BAZ1B: variants seen among roughly 807,000 people sequenced by gnomAD.
BAZ1B encodes tyrosine-protein kinase BAZ1B.
In BAZ1B, 22 loss-of-function variants were observed where a neutral mutation model predicts 153.8. The ratio of observed to expected loss-of-function variants is 0.14; its 90% CI spans 0.10 to 0.20. The LOEUF is 0.20. BAZ1B is among the 10% of genes least tolerant of loss of function. The pLI is 1.00. For missense variants in BAZ1B, 1,325 were observed against 1,799.3 expected, an observed-to-expected ratio of 0.74 and a Z score of 4.77; for synonymous variants, 676 against 633.4, an observed-to-expected ratio of 1.07 and a Z score of -1.01.
At chr7:73,513,051 G>C (rs1554578801) in intron 1 of BAZ1B, among the ~76,000 whole-genome samples, 1 of 152,102 alleles carries the variant, frequency 6.6e-6, no homozygotes, top group Admixed American at 6.6e-5. Context: ...ACCTCCTGGG[G>C]TCAAGCAATC....
chr7:73,458,281 T>C (rs1461147911), intron 13 of BAZ1B, among the ~76,000 whole-genome samples: 1 of 152,156 alleles, frequency 6.6e-6, no homozygotes, highest in Non-Finnish European at 1.5e-5. Context: ...AACCCATGTA[T>C]TTGGTGTCAG....
At chr7:73,489,434 G>T (rs782037705) in intron 5 of BAZ1B, 43 bp from the exon 6 acceptor site, 5 of 1,594,586 alleles carry the variant, frequency 3.1e-6, no homozygotes, top group African/African-American at 2.7e-5. Context: ...GGGGTAAAAA[G>T]TAATTACCCA....
intron 1 of BAZ1B, among the ~76,000 whole-genome samples, chr7:73,516,874 T>C (rs1489278349): frequency 1.3e-5 from 2 of 150,762 alleles, no homozygotes; most frequent in East Asian, 2.0e-4. Context: ...GTAACTGTTC[T>C]GGTAATTATA....
At chr7:73,469,130 CAAA>C (rs57498905) in intron 9 of BAZ1B, among the ~76,000 whole-genome samples, 11 of 76,302 alleles carry the variant, frequency 1.4e-4, no homozygotes, top group Non-Finnish European at 2.0e-4. Flanking sequence ...AATTCCGTCT[CAAA>C]AAAAAAAAAA....
At chr7:73,469,794 G>A in intron 8 of BAZ1B, 144 bp from the exon 9 acceptor site, 1 of 882,256 alleles carries the variant, frequency 1.1e-6, no homozygotes, top group South Asian at 1.9e-5. Context: ...ACTCTAGACA[G>A]ATAAAAATTG....
chr7:73,454,055 T>C (rs112885369), intron 13 of BAZ1B, among the ~76,000 whole-genome samples: 3 of 150,776 alleles, frequency 2.0e-5, no homozygotes, highest in African/African-American at 7.3e-5. Context: ...TCCCAGCACT[T>C]TTGGAGGCCA....
At chr7:73,458,991 G>A (rs1310349307) in intron 13 of BAZ1B, among the ~76,000 whole-genome samples, 3 of 152,148 alleles carry the variant, frequency 2.0e-5, no homozygotes, top group Admixed American at 2.0e-4. Context: ...GCTCACGCCT[G>A]TAATCCCAGC....
At chr7:73,511,462 G>A (rs1023729247) in intron 1 of BAZ1B, among the ~76,000 whole-genome samples, 1 of 151,650 alleles carries the variant, frequency 6.6e-6, no homozygotes, top group Non-Finnish European at 1.5e-5. Context: ...CCAGGAGTTC[G>A]AGACCAGCCT....
At chr7:73,476,556 C>G (rs1305097882) in intron 7 of BAZ1B, among the ~76,000 whole-genome samples, 4 of 152,154 alleles carry the variant, frequency 2.6e-5, no homozygotes, top group Non-Finnish European at 5.9e-5. Flanking sequence ...AACCTGAACC[C>G]AGGTCAGTCA....
intron 13 of BAZ1B, among the ~76,000 whole-genome samples, chr7:73,457,878 A>G (rs1788260672): frequency 6.6e-6 from 1 of 152,170 alleles, no homozygotes; most frequent in Non-Finnish European, 1.5e-5. Flanking sequence ...AGAAGCTGGA[A>G]GGAAGGAGTG....
chr7:73,507,839 G>C (rs1790406081), intron 3 of BAZ1B, among the ~76,000 whole-genome samples: 1 of 152,090 alleles, frequency 6.6e-6, no homozygotes, highest in Admixed American at 6.6e-5. Context: ...CTGCACTCTA[G>C]ACTCTGTGAC....
chr7:73,506,314 C>T (rs959680829), intron 3 of BAZ1B, among the ~76,000 whole-genome samples: 22 of 151,716 alleles, frequency 1.5e-4, no homozygotes, highest in African/African-American at 5.1e-4. Context: ...CTGGCTAACA[C>T]AGTGAAACCC....
intron 5 of BAZ1B, among the ~76,000 whole-genome samples, chr7:73,492,213 A>G (rs1023438001): frequency 4.0e-5 from 6 of 151,702 alleles, no homozygotes; most frequent in Non-Finnish European, 5.9e-5. Context: ...CCCAGGCTGG[A>G]GTGCAGTGGC....
At chr7:73,521,565 G>A (rs1791043737) in intron 1 of BAZ1B, among the ~76,000 whole-genome samples, 1 of 151,992 alleles carries the variant, frequency 6.6e-6, no homozygotes. Context: ...CCTCGCCGGC[G>A]AGGCCCCGGG....
chr7:73,449,251 G>A (rs1787944989), intron 15 of BAZ1B, among the ~76,000 whole-genome samples: 2 of 152,210 alleles, frequency 1.3e-5, no homozygotes, highest in South Asian at 2.1e-4. Flanking sequence ...GACACAGGAA[G>A]TGGGCAACAG....
In BAZ1B at chr7:73,508,452, C is replaced by CA; in HGVS notation, c.243dup (p.Ala82CysfsTer4). On this transcript the variant is annotated frameshift_variant, in exon 3 of 20. Transcript: ENST00000339594. LOFTEE classifies it high-confidence loss of function. ...TCCAGAACAAGCTTCTCATACCAGG[C>CA]AGGAAACTCCTCCTTCAAACTAAAT... 6.2e-7 allele frequency: 1 copy of CA among 1,611,592 alleles called. No individual in the cohort carries two copies. Among genetic ancestry groups the CA allele is most frequent in the South Asian group, 1.1e-5 (1 of 90,416 alleles).
chr7:73,510,614 A>G, intron 2 of BAZ1B, 122 bp downstream of exon 2: 1 of 917,878 alleles, frequency 1.1e-6, no homozygotes, highest in Admixed American at 2.0e-5. Flanking sequence ...ACAGTACACT[A>G]ATGTAATATA....
At chr7:73,495,508 A>G (rs1583934861) in intron 4 of BAZ1B, among the ~76,000 whole-genome samples, 1 of 152,216 alleles carries the variant, frequency 6.6e-6, no homozygotes, top group South Asian at 2.1e-4. Flanking sequence ...GAAGGAAGGA[A>G]GTAAAGAAAC....
chr7:73,466,358 T>C lies in BAZ1B; in HGVS notation c.2910A>G (p.Gln970=). ...NLGKNASMNT[Q]HGTATEVAVE... ...CAGCAACTTCTGTTGCTGTTCCATG[T>C]TGTGTGTTCATGCTTGCATTTTTAC... The change falls in exon 10 of 20, where the codon CAA becomes CAG. Residue 970 remains glutamine, a synonymous_variant. Transcript: ENST00000339594. 1 of 1,614,066 alleles carries C rather than the reference T, an allele frequency of 6.2e-7. No individual in the cohort carries two copies. The highest frequency in any genetic ancestry group is 8.5e-7 in the Non-Finnish European group (1 of 1,179,944).
Sources: gnomAD v4.1 joint callset for allele counts (sites outside exome capture counted in the v4.1 genomes callset) on GRCh38, gnomAD v4.1.1 for gene constraint, MANE v1.5 for transcripts, NCBI Gene and HGNC (gene_info 2026-07-23, HGNC 2026-07-21) for gene names.